The following CFAP43 variants were observed in gnomAD, a reference collection of about 807,000 sequenced individuals.
The protein encoded by CFAP43 is cilia- and flagella-associated protein 43.
In CFAP43, 155 loss-of-function variants were observed where a neutral mutation model predicts 218.9. The observed-to-expected ratio is 0.71, with a 90% CI of 0.62 to 0.81. The LOEUF is 0.81. Among genes scored for constraint, CFAP43 ranks in the 30% least tolerant of loss-of-function variants. CFAP43 has a pLI of 0.00. For missense variants in CFAP43, 1,778 were observed against 1,954.3 expected (o/e 0.91, Z 1.70); for synonymous variants, 645 against 681.3 (o/e 0.95, Z 0.83).
rs752270884 is a variant in CFAP43, at chr10:104,225,410, A to G, written c.416+51T>C. On this transcript the variant is annotated intron_variant, in intron 3 of 37. Coordinates refer to ENST00000357060, the MANE Select transcript of CFAP43 (RefSeq NM_025145.7). ...TCCTTCGATAAAATCCAGAAGAGTA[A>G]GAGGAAAATGTAACCCAGTAAAAGG... 15 of 1,373,662 alleles carry G rather than the reference A, an allele frequency of 1.1e-5. No individual in the cohort carries two copies. The East Asian group carries it at 2.2e-4, about 20-fold the overall frequency. 85.1% of individuals were successfully genotyped at this position (1,373,662 alleles called of 1,614,324 possible).
At chr10:104,137,762 C>T (rs538065926) in intron 34 of CFAP43, among the ~76,000 whole-genome samples, 4 of 152,124 alleles carry the variant, frequency 2.6e-5, no homozygotes, top group East Asian at 1.9e-4. Flanking sequence ...GATCATGCTC[C>T]GGCACTCCAG....
chr10:104,182,965 C>G (rs940917335), intron 16 of CFAP43, among the ~76,000 whole-genome samples: 1 of 152,118 alleles, frequency 6.6e-6, no homozygotes, highest in Non-Finnish European at 1.5e-5. Context: ...TCTCCTCACA[C>G]TGTCCTCATA....
intron 7 of CFAP43, among the ~76,000 whole-genome samples, chr10:104,205,200 G>A (rs369668467): frequency 1.7e-5 from 2 of 117,432 alleles, no homozygotes; most frequent in Non-Finnish European, 3.2e-5. Context: ...GAGACAGAGC[G>A]AGACTCCGTC....
intron 18 of CFAP43, among the ~76,000 whole-genome samples, 185 bp from the exon 19 acceptor site, chr10:104,179,291 A>G (rs1182042469): frequency 6.6e-6 from 1 of 152,230 alleles, no homozygotes; most frequent in Non-Finnish European, 1.5e-5. Flanking sequence ...TGTAAGTGAC[A>G]TTAAAGCAAC....
chr10:104,204,793 T>A (rs533780811), intron 7 of CFAP43, among the ~76,000 whole-genome samples: 2 of 152,318 alleles, frequency 1.3e-5, no homozygotes, highest in South Asian at 4.1e-4. Context: ...CTCAAGGTCC[T>A]GGAGATGTCA....
intron 32 of CFAP43, 86 bp downstream of exon 32, chr10:104,143,340 T>C: frequency 8.5e-7 from 1 of 1,171,276 alleles, no homozygotes. Context: ...CCTAAATAAT[T>C]AGCTTTTTTG....
At chr10:104,166,023 A>G (rs1359770897) in intron 23 of CFAP43, among the ~76,000 whole-genome samples, 2 of 152,186 alleles carry the variant, frequency 1.3e-5, no homozygotes, top group African/African-American at 2.4e-5. Flanking sequence ...AGATCTGTCT[A>G]AAGGACATGG....
chr10:104,191,785 T>TGG (rs1451005705), intron 12 of CFAP43, among the ~76,000 whole-genome samples: 1 of 86,696 alleles, frequency 1.2e-5, no homozygotes, highest in African/African-American at 5.6e-5. Context: ...AAAAATTGTG[T>TGG]GTGTGGGGGG....
chr10:104,186,162 C>G, intron 14 of CFAP43, 39 bp from the exon 15 acceptor site: 2 of 1,437,304 alleles, frequency 1.4e-6, no homozygotes, highest in South Asian at 1.7e-5. Flanking sequence ...TAGAAAAGAT[C>G]AGGTAAACAG....
chr10:104,223,518 C>G (rs1443971693), intron 3 of CFAP43, among the ~76,000 whole-genome samples: 1 of 152,150 alleles, frequency 6.6e-6, no homozygotes, highest in African/African-American at 2.4e-5. Context: ...ATTTGTGGAG[C>G]CAGGATTCAG....
chr10:104,191,246 G>T (rs894473083), intron 12 of CFAP43, among the ~76,000 whole-genome samples: 6 of 152,130 alleles, frequency 3.9e-5, no homozygotes, highest in Non-Finnish European at 8.8e-5. Flanking sequence ...AACAATTCCA[G>T]ACTCTTTGGA....
intron 32 of CFAP43, among the ~76,000 whole-genome samples, chr10:104,142,945 C>T (rs1259361049): frequency 6.6e-6 from 1 of 152,062 alleles, no homozygotes; most frequent in Non-Finnish European, 1.5e-5. Context: ...ATGTGAGTCA[C>T]ATATGTAATT....
intron 23 of CFAP43, among the ~76,000 whole-genome samples, chr10:104,165,048 T>C (rs986251289): frequency 3.9e-5 from 6 of 152,328 alleles, no homozygotes; most frequent in African/African-American, 1.2e-4. Context: ...AAGAGATAGT[T>C]TGTAGAAAGT....
At chr10:104,180,445 C>CCTTTTTT in intron 17 of CFAP43, among the ~76,000 whole-genome samples, 1 of 124,646 alleles carries the variant, frequency 8.0e-6, no homozygotes, top group South Asian at 2.6e-4. Context: ...CACCCTATTT[C>CCTTTTTT]TTTTTTTTTT....
intron 2 of CFAP43, among the ~76,000 whole-genome samples, chr10:104,226,710 C>G (rs1353018186): frequency 6.6e-6 from 1 of 152,002 alleles, no homozygotes; most frequent in African/African-American, 2.4e-5. Context: ...TATAGCTATA[C>G]TAGCCATAGA....
chr10:104,214,347 T>C lies in CFAP43; in HGVS notation c.496A>G (p.Asn166Asp), dbSNP rs1431119870. 3.1e-6 allele frequency: 5 copies of C among 1,612,092 alleles called. No homozygotes were observed. The highest frequency in any genetic ancestry group is 4.2e-6 in the Non-Finnish European group (5 of 1,178,864). ...CTTGATAAGCACAGCTGGCGCCAGT[T>C]CATGGGGTTAAAAGACATTTGGTTC... ...DVNQMSFNPM[N>D]WRQLCLSSPS... The change falls in exon 4 of 38, where the codon AAC becomes GAC. Residue 166 changes from asparagine (N) to aspartate (D), a missense_variant. Transcript: ENST00000357060.
At chr10:104,225,679 TA>T in intron 2 of CFAP43, 122 bp from the exon 3 acceptor site, 2 of 795,866 alleles carry the variant, frequency 2.5e-6, no homozygotes, top group Non-Finnish European at 3.8e-6. Flanking sequence ...ATTTAACTAT[TA>T]GAATAAGAAA....
intron 24 of CFAP43, 143 bp downstream of exon 24, chr10:104,163,951 G>C (rs2089013243): frequency 2.7e-6 from 2 of 744,946 alleles, no homozygotes; most frequent in Non-Finnish European, 4.3e-6. Flanking sequence ...TCATTGCTGA[G>C]GCTACATCAT....
chr10:104,197,882 T>C (rs1158658075), intron 9 of CFAP43, 40 bp downstream of exon 9: 1 of 1,339,362 alleles, frequency 7.5e-7, no homozygotes, highest in Non-Finnish European at 1.1e-6. Flanking sequence ...AACATCATCG[T>C]ATCTTTAGTC....
Sources: allele counts gnomAD v4.1 joint callset (sites outside exome capture counted in the v4.1 genomes callset), GRCh38; gene constraint gnomAD v4.1.1; transcripts MANE v1.5; gene names NCBI Gene and HGNC (gene_info 2026-07-23, HGNC 2026-07-21).